The following SAMD5 variants were observed in gnomAD, a reference collection of about 807,000 sequenced individuals.
The protein encoded by SAMD5 is sterile alpha motif domain-containing protein 5.
Under a neutral mutation model 11.3 loss-of-function variants are expected in SAMD5, and 13 were observed. The observed-to-expected ratio is 1.15, with a 90% CI of 0.75 to 1.83. SAMD5 has a LOEUF of 1.83. Among genes scored for constraint, SAMD5 ranks in the 40% most tolerant of loss-of-function variants. The pLI, the probability that SAMD5 is intolerant of heterozygous loss-of-function variation, is 0.00. For missense variants in SAMD5, 255 were observed against 239.1 expected, an observed-to-expected ratio of 1.07 and a Z score of -0.44; for synonymous variants, 129 against 111.3, an observed-to-expected ratio of 1.16 and a Z score of -1.00.
the SAMD5 span, among the ~76,000 whole-genome samples, chr6:147,823,003 G>T: frequency 1.3e-5 from 2 of 152,032 alleles, no homozygotes; most frequent in African/African-American, 4.8e-5. Context: ...TTTTGGTAGA[G>T]ACAGGGTTTT....
At chr6:147,807,449 G>A in the SAMD5 span, among the ~76,000 whole-genome samples, 1 of 152,076 alleles carries the variant, frequency 6.6e-6, no homozygotes, top group Non-Finnish European at 1.5e-5. Flanking sequence ...AATTTTTAAG[G>A]GCAACCGAAG....
At chr6:147,806,341 G>C in the SAMD5 span, among the ~76,000 whole-genome samples, 1 of 151,914 alleles carries the variant, frequency 6.6e-6, no homozygotes, top group Non-Finnish European at 1.5e-5. Flanking sequence ...CACTCATTGT[G>C]ATGCATTTGC....
chr6:147,516,388 A>C (rs1015702405), intron 1 of SAMD5, among the ~76,000 whole-genome samples: 7 of 152,196 alleles, frequency 4.6e-5, no homozygotes, highest in African/African-American at 1.7e-4. Flanking sequence ...AGAACCAGAC[A>C]TCAGAGTTCG....
chr6:147,827,338 G>T, the SAMD5 span, among the ~76,000 whole-genome samples: 3 of 151,978 alleles, frequency 2.0e-5, no homozygotes, highest in African/African-American at 7.3e-5. Context: ...AGGGAACAAG[G>T]AAGGAATAGT....
At chr6:147,573,388 T>C (rs1392963584), downstream of SAMD5, among the ~76,000 whole-genome samples, 1 of 152,092 alleles carries the variant, frequency 6.6e-6, no homozygotes, top group Non-Finnish European at 1.5e-5. Context: ...GCAGAGGAAA[T>C]GCCAGATGCT....
the SAMD5 span, among the ~76,000 whole-genome samples, chr6:147,784,159 A>G: frequency 6.6e-6 from 1 of 151,988 alleles, no homozygotes; most frequent in African/African-American, 2.4e-5. Context: ...TTTTAAAGGT[A>G]TTTCCACTTG....
At chr6:147,646,471 G>A (rs1416823935) in intron 1 of SAMD5, among the ~76,000 whole-genome samples, 4 of 152,136 alleles carry the variant, frequency 2.6e-5, no homozygotes, top group Admixed American at 6.5e-5. Context: ...CGATTGGCCT[G>A]TTTATGTCTC....
the SAMD5 span, among the ~76,000 whole-genome samples, chr6:147,850,430 G>A: frequency 1.3e-5 from 2 of 152,116 alleles, no homozygotes; most frequent in African/African-American, 4.8e-5. Context: ...CCATGTGAGA[G>A]CTTTTCTAAA....
the SAMD5 span, among the ~76,000 whole-genome samples, chr6:147,925,854 G>A: frequency 4.0e-5 from 6 of 151,872 alleles, no homozygotes; most frequent in African/African-American, 1.5e-4. Flanking sequence ...CCTCAAGTAG[G>A]CCCCAGTGTT....
chr6:147,701,759 A>T (rs1791256739), intron 1 of SAMD5, among the ~76,000 whole-genome samples: 1 of 152,232 alleles, frequency 6.6e-6, no homozygotes, highest in Admixed American at 6.5e-5. Flanking sequence ...AGATAATCAA[A>T]TTAAGGTGTC....
At chr6:147,728,921 TA>T (rs937181158) in intron 1 of SAMD5, among the ~76,000 whole-genome samples, 1 of 152,208 alleles carries the variant, frequency 6.6e-6, no homozygotes, top group Admixed American at 6.5e-5. Context: ...AAGTGTTCTT[TA>T]AAAAAATGAT....
the SAMD5 span, among the ~76,000 whole-genome samples, chr6:147,743,552 G>C: frequency 1.3e-5 from 2 of 151,190 alleles, no homozygotes; most frequent in African/African-American, 2.4e-5. Flanking sequence ...ACATACTATA[G>C]ATTGTTTGTA....
At chr6:147,745,214 G>C in the SAMD5 span, among the ~76,000 whole-genome samples, 1 of 152,110 alleles carries the variant, frequency 6.6e-6, no homozygotes, top group African/African-American at 2.4e-5. Context: ...GTGTGAGTGT[G>C]ACTATAGATG....
At chr6:147,581,715 C>T (rs887389535) in intron 1 of SAMD5, among the ~76,000 whole-genome samples, 3 of 152,058 alleles carry the variant, frequency 2.0e-5, no homozygotes, top group Non-Finnish European at 2.9e-5. Context: ...TCAGTGAGAA[C>T]GGTGTCAGAA....
the SAMD5 span, among the ~76,000 whole-genome samples, chr6:147,894,835 C>G: frequency 6.6e-6 from 1 of 152,196 alleles, no homozygotes; most frequent in Non-Finnish European, 1.5e-5. Context: ...GAAACTACCT[C>G]TCCAGCAAGT....
the SAMD5 span, among the ~76,000 whole-genome samples, chr6:147,743,709 T>C: frequency 6.6e-6 from 1 of 152,196 alleles, no homozygotes; most frequent in East Asian, 1.9e-4. Flanking sequence ...AGATGACAAT[T>C]GTTATCTCTT....
the SAMD5 span, among the ~76,000 whole-genome samples, chr6:147,819,467 A>T: frequency 2.0e-5 from 3 of 152,188 alleles, no homozygotes; most frequent in African/African-American, 7.2e-5. Flanking sequence ...CACAACAAAA[A>T]TCAGATTAAT....
chr6:147,883,401 G>T, the SAMD5 span, among the ~76,000 whole-genome samples: 1 of 152,170 alleles, frequency 6.6e-6, no homozygotes, highest in African/African-American at 2.4e-5. Flanking sequence ...TAAAGATACA[G>T]ACGATAAAGA....
the SAMD5 span, among the ~76,000 whole-genome samples, chr6:147,844,952 GTGT>G: frequency 6.6e-6 from 1 of 151,998 alleles, no homozygotes; most frequent in Non-Finnish European, 1.5e-5. Flanking sequence ...TAATAATAAT[GTGT>G]TGTATATTTC....
Sources: allele counts gnomAD v4.1 joint callset (sites outside exome capture counted in the v4.1 genomes callset), GRCh38; gene constraint gnomAD v4.1.1; transcripts MANE v1.5; gene names NCBI Gene and HGNC (gene_info 2026-07-23, HGNC 2026-07-21).